The following SERPINA11 variants were observed in gnomAD, a reference collection of about 807,000 sequenced individuals.
SERPINA11 encodes the protein serpin A11.
Under a neutral mutation model 29.4 loss-of-function variants are expected in SERPINA11, and 28 were observed. The ratio of observed to expected loss-of-function variants is 0.95; its 90% CI spans 0.70 to 1.30. SERPINA11 has a LOEUF of 1.30. Ranked by LOEUF, SERPINA11 falls within the 50% of genes most tolerant of loss-of-function variation. The pLI is 0.00. For synonymous variants in SERPINA11, 253 were observed against 206.6 expected, an observed-to-expected ratio of 1.22 and a Z score of -1.92; for missense variants, 530 against 507.3, an observed-to-expected ratio of 1.04 and a Z score of -0.43.
Position 94,443,178 on chromosome 14 carries a change from T to A in SERPINA11, c.965A>T (p.Asn322Ile). The change falls in exon 4 of 5, where the codon AAC (asparagine) becomes ATC (isoleucine). Residue 322 changes from asparagine to isoleucine, a missense_variant. Transcript: ENST00000334708. ...AATTTGGGGAAGTATGTCTTCCAGGTTATATGTTCCAGAAATTGAAAACCT... is the reference window on the plus strand; with the variant it reads ...AATTTGGGGAAGTATGTCTTCCAGGATATATGTTCCAGAAATTGAAAACCT... ...LPRFSISGTY[N>I]LEDILPQIGL... The A allele has an allele frequency of 6.2e-7, 1 of 1,614,004 alleles. No homozygotes were observed. Among genetic ancestry groups the A allele is most frequent in the Non-Finnish European group, 8.5e-7 (1 of 1,179,934 alleles).
chr14:94,442,922 GAAAAGCC>G, intron 4 of SERPINA11, 113 bp from the exon 5 acceptor site: 1 of 1,269,772 alleles, frequency 7.9e-7, no homozygotes, highest in East Asian at 2.3e-5. Flanking sequence ...GGTAGAGAAG[GAAAAGCC>G]CATGAAGAGA....
At position 94,446,358 on chromosome 14, in the gene SERPINA11, C is replaced by G; in HGVS notation, c.890G>C (p.Arg297Thr). 1 of 1,613,694 alleles carries G rather than the reference C, an allele frequency of 6.2e-7. No individual in the cohort carries two copies. The highest frequency in any genetic ancestry group is 8.5e-7 in the Non-Finnish European group (1 of 1,180,006). ...GGGCAGGAGCAATTGGCCCCATTTT[C>G]TCAGGGTCTGTGGCTGCAGAGCAGC... ...VEAALQPQTL[R>T]KWGQLLLPSL... Residue 297 changes from arginine to threonine, a missense_variant, in exon 3 of 5, where the codon AGA (arginine) becomes ACA (threonine). Transcript: ENST00000334708.
intron 3 of SERPINA11, among the ~76,000 whole-genome samples, chr14:94,443,733 T>C (rs1898385544): frequency 6.6e-6 from 1 of 152,166 alleles, no homozygotes. Flanking sequence ...TAGTGTTAAA[T>C]GGCATGGTGA....
At position 94,448,350 on chromosome 14, in the gene SERPINA11, A is replaced by C. The variant is rs1171168086; in HGVS notation, c.425T>G (p.Phe142Cys). The change falls in exon 2 of 5, where the codon TTC becomes TGC. Residue 142 changes from phenylalanine to cysteine, a missense_variant. By Grantham distance (205) the Phe-to-Cys change is radical. Coordinates refer to ENST00000334708, the MANE Select transcript of SERPINA11 (RefSeq NM_001080451.2). ...CCGAGGCTTTAGTCGCTTGTCTAGG[A>C]ACAGGGAGTTTCCTACTTTTAGTTC... ...KLELKVGNSLFLDKRLKPRQH... is the reference protein window; with the variant it reads ...KLELKVGNSLCLDKRLKPRQH... 2 of 1,614,092 alleles carry C rather than the reference A, an allele frequency of 1.2e-6. No homozygotes were observed. Among genetic ancestry groups the C allele is most frequent in the African/African-American group, 2.7e-5 (2 of 74,944 alleles).
rs1252705371 is a variant in SERPINA11, at chr14:94,449,401, TTTCTATTCTTTC to T, written c.-3-636_-3-625del. Among the ~76,000 whole-genome samples, 120 of 41,496 alleles carry T rather than the reference TTTCTATTCTTTC, an allele frequency of 2.9e-3. 10 individuals carry two copies. The highest frequency in any genetic ancestry group is 9.9e-3 in the African/African-American group (114 of 11,540). 27.2% of individuals were successfully genotyped at this position (41,496 alleles called of 152,430 possible). A position where few individuals can be genotyped will look rare whatever the true frequency, so the allele number is the denominator to read the frequency against. ...TCTAGCCTCCCTCCCTCTTTCTTTC[TTTCTATTCTTTC>T]TTTCTTTCTTTCTTTCTTTCTTTCT... On this transcript the variant is annotated intron_variant, in intron 1 of 4. Coordinates refer to ENST00000334708, the MANE Select transcript of SERPINA11 (RefSeq NM_001080451.2).
In SERPINA11 at chr14:94,448,456, G is replaced by C. The variant is rs760021319; in HGVS notation, c.319C>G (p.Leu107Val). The C allele has an allele frequency of 6.2e-6, 10 of 1,614,188 alleles. No individual in the cohort carries two copies. Among genetic ancestry groups the C allele is most frequent in the Non-Finnish European group, 7.6e-6 (9 of 1,180,018 alleles). ...ALILEGLGFN[L>V]TETPEADIHQ... is the part of the protein sequence containing the mutation. Reference sequence around the variant, plus strand: ...ATGTCGGCTTCAGGGGTTTCTGTGAGGTTGAATCCCAGGCCCTCCAGGATC... The same window carrying C: ...ATGTCGGCTTCAGGGGTTTCTGTGACGTTGAATCCCAGGCCCTCCAGGATC... Residue 107 changes from leucine (L) to valine (V), a missense_variant, in exon 2 of 5, where the codon CTC (leucine) becomes GTC (valine). Transcript: ENST00000334708.
intron 1 of SERPINA11, among the ~76,000 whole-genome samples, chr14:94,449,489 CTG>C (rs1297953029): frequency 1.1e-4 from 10 of 93,090 alleles, no homozygotes; most frequent in Admixed American, 3.3e-4. Context: ...TTCTGTCTGT[CTG>C]TCTTTCTTTC....
At chr14:94,446,235 T>A in intron 3 of SERPINA11, 96 bp downstream of exon 3, 1 of 1,162,730 alleles carries the variant, frequency 8.6e-7, no homozygotes. Flanking sequence ...GTGAGCCTAA[T>A]CGAGATGGAT....
chr14:94,452,644 C>CACAT (rs1362090106), intron 1 of SERPINA11, 85 bp downstream of exon 1: 14 of 134,560 alleles, frequency 1.0e-4, no homozygotes, highest in African/African-American at 3.9e-4. Context: ...CACACACACA[C>CACAT]ACACAGAGAC....
chr14:94,444,012 G>T (rs17825295), intron 3 of SERPINA11, among the ~76,000 whole-genome samples: 13,305 of 152,280 alleles, frequency 0.087, 728 homozygotes, highest in Middle Eastern at 0.19. Context: ...TTCTGCCTCA[G>T]AAAATCGAAT....
At chr14:94,443,811 T>C (rs1898386624) in intron 3 of SERPINA11, among the ~76,000 whole-genome samples, 1 of 152,218 alleles carries the variant, frequency 6.6e-6, no homozygotes, top group Non-Finnish European at 1.5e-5. Context: ...AGGGCACAAA[T>C]GAACTCCTGC....
Position 94,443,193 on chromosome 14 carries a change from A to G in SERPINA11, c.950T>C (p.Ile317Thr), listed in dbSNP as rs757431372. ...LLDLHLPRFS[I>T]SGTYNLEDIL... The stretch of plus-strand genomic sequence containing the variant: ...GTCTTCCAGGTTATATGTTCCAGAA[A>G]TTGAAAACCTTGGCAAGTGCAAATC... The change falls in exon 4 of 5, where the codon ATT becomes ACT. Residue 317 changes from isoleucine (I) to threonine (T), a missense_variant. By Grantham distance (89) the Ile-to-Thr change is moderately conservative (BLOSUM62 -1). Coordinates refer to ENST00000334708, the MANE Select transcript of SERPINA11 (RefSeq NM_001080451.2). 1 of 1,613,990 alleles carries G rather than the reference A, an allele frequency of 6.2e-7. No individual in the cohort carries two copies. Among genetic ancestry groups the G allele is most frequent in the Admixed American group, 1.7e-5 (1 of 60,014 alleles).
intron 1 of SERPINA11, among the ~76,000 whole-genome samples, chr14:94,450,983 C>T (rs1039403407): frequency 6.6e-6 from 1 of 152,198 alleles, no homozygotes; most frequent in Non-Finnish European, 1.5e-5. Context: ...AGGCAGCCTT[C>T]TCTTCTCCCT....
At chr14:94,446,097 A>G (rs1326915637) in intron 3 of SERPINA11, among the ~76,000 whole-genome samples, 1 of 152,148 alleles carries the variant, frequency 6.6e-6, no homozygotes, top group Admixed American at 6.5e-5. Flanking sequence ...TACATTCTCT[A>G]TGGGTAGAAA....
chr14:94,449,405 TATTCTTTCTTTCTTTCTTTCTTTCTTTC>T (rs1285939169), intron 1 of SERPINA11, among the ~76,000 whole-genome samples: 2 of 55,272 alleles, frequency 3.6e-5, no homozygotes, highest in East Asian at 3.4e-4. Flanking sequence ...TCTTTCTTTC[TATTCTTTCTTTCTTTCTTTCTTTCTTTC>T]TTTCTTTCTT....
chr14:94,449,479 T>TTC (rs1398416773), intron 1 of SERPINA11, among the ~76,000 whole-genome samples: 1,887 of 84,446 alleles, frequency 0.022, 120 homozygotes, highest in African/African-American at 0.13. Flanking sequence ...CTTTCTTTCT[T>TTC]TCTGTCTGTC....
intron 3 of SERPINA11, among the ~76,000 whole-genome samples, chr14:94,445,258 T>C (rs1898412830): frequency 6.6e-6 from 1 of 152,050 alleles, no homozygotes; most frequent in South Asian, 2.1e-4. Flanking sequence ...AGTGATTGTC[T>C]TAAGTCATTC....
chr14:94,444,869 A>G (rs1595652909), intron 3 of SERPINA11, among the ~76,000 whole-genome samples: 1 of 152,130 alleles, frequency 6.6e-6, no homozygotes, highest in Non-Finnish European at 1.5e-5. Context: ...TGGGCTCTGC[A>G]CCACCCAGCC....
intron 1 of SERPINA11, among the ~76,000 whole-genome samples, chr14:94,450,934 T>C (rs1437834264): frequency 2.6e-5 from 4 of 152,278 alleles, no homozygotes; most frequent in African/African-American, 9.6e-5. Flanking sequence ...ACCACATTGC[T>C]ACTGGGACCC....
Sources: allele counts gnomAD v4.1 joint callset (sites outside exome capture counted in the v4.1 genomes callset), GRCh38; gene constraint gnomAD v4.1.1; transcripts MANE v1.5; gene names NCBI Gene and HGNC (gene_info 2026-07-23, HGNC 2026-07-21).